The following LANCL3 variants were observed in gnomAD, a reference collection of about 807,000 sequenced individuals.
The protein encoded by LANCL3 is lanC-like protein 3.
LANCL3 carries 19 observed loss-of-function variants against 26.5 expected under a neutral mutation model. The observed-to-expected ratio is 0.72, with a 90% CI of 0.50 to 1.05. LANCL3 has a LOEUF of 1.05. Ranked by LOEUF, LANCL3 falls within the 50% of genes least tolerant of loss-of-function variation. The pLI is 0.00. For synonymous variants in LANCL3, 160 were observed against 166.6 expected (o/e 0.96, Z 0.30); for missense variants, 318 against 362.7 (o/e 0.88, Z 1.00).
intron 1 of LANCL3, among the ~76,000 whole-genome samples, chrX:37,602,729 G>A (rs1924603948): frequency 9.0e-6 from 1 of 111,151 alleles, no homozygotes. Context: ...ATCACTAGGA[G>A]GTAACTCTTC....
At chrX:37,629,700 T>TA (rs1281755490) in intron 1 of LANCL3, among the ~76,000 whole-genome samples, 2 of 111,015 alleles carry the variant, frequency 1.8e-5, no homozygotes, top group African/African-American at 3.3e-5. Flanking sequence ...ATTTATTAAA[T>TA]AGGGAATCCT....
At position 37,675,910 on chromosome X, in the gene LANCL3, C is replaced by T. The variant is rs782684125; in HGVS notation, c.*97C>T. The T allele has an allele frequency of 4.7e-6, 3 of 644,952 alleles. No homozygotes were observed. The highest frequency in any genetic ancestry group is 1.1e-4 in the Admixed American group (2 of 18,749). 53.2% of individuals were successfully genotyped at this position (644,952 alleles called of 1,213,427 possible). ...CATTCAATGGTATCGCAACCATGAGCCTTAACATTGCCATCAGAAGGAAGG... is the reference window on the plus strand; with the variant it reads ...CATTCAATGGTATCGCAACCATGAGTCTTAACATTGCCATCAGAAGGAAGG... On this transcript the variant is annotated 3_prime_UTR_variant, in exon 5 of 5. Transcript: ENST00000378619.
intron 1 of LANCL3, among the ~76,000 whole-genome samples, chrX:37,637,042 C>G (rs1925725720): frequency 9.0e-6 from 1 of 111,690 alleles, no homozygotes; most frequent in African/African-American, 3.3e-5. Context: ...GAGAAAGCAG[C>G]CTTGACCAAT....
chrX:37,656,681 A>T (rs1212099025), intron 2 of LANCL3, among the ~76,000 whole-genome samples: 1 of 112,390 alleles, frequency 8.9e-6, no homozygotes, highest in African/African-American at 3.2e-5. Context: ...CCCTTATTAC[A>T]CTGTAATTAG....
At chrX:37,604,498 G>A (rs374239344) in intron 1 of LANCL3, among the ~76,000 whole-genome samples, 175 of 112,147 alleles carry the variant, frequency 1.6e-3, no homozygotes, top group African/African-American at 5.4e-3. Context: ...TTGTTCGTAT[G>A]TCTATAGGTC....
chrX:37,578,310 G>C (rs782480306), intron 1 of LANCL3, among the ~76,000 whole-genome samples: 1 of 112,114 alleles, frequency 8.9e-6, no homozygotes, highest in African/African-American at 3.2e-5. Context: ...TTTTAACCTT[G>C]ATCATTGACA....
intron 4 of LANCL3, among the ~76,000 whole-genome samples, chrX:37,670,346 T>G (rs947015143): frequency 8.9e-6 from 1 of 111,860 alleles, no homozygotes; most frequent in Non-Finnish European, 1.9e-5. Flanking sequence ...AGTATTTTTC[T>G]TGTCAAAGTT....
At chrX:37,627,701 A>G (rs889447584) in intron 1 of LANCL3, among the ~76,000 whole-genome samples, 6 of 112,026 alleles carry the variant, frequency 5.4e-5, no homozygotes, top group Admixed American at 1.9e-4. Context: ...CTAGCACCTC[A>G]GAATCTGTCA....
At chrX:37,627,899 T>C (rs1377500396) in intron 1 of LANCL3, among the ~76,000 whole-genome samples, 2 of 111,772 alleles carry the variant, frequency 1.8e-5, no homozygotes, top group African/African-American at 6.5e-5. Context: ...CCTGACCTCT[T>C]GCACCTACCA....
chrX:37,659,359 A>G, intron 2 of LANCL3, 103 bp from the exon 3 acceptor site: 1 of 598,486 alleles, frequency 1.7e-6, no homozygotes, highest in Admixed American at 3.1e-5. Context: ...TGAGCTTTCA[A>G]GTAATATTGG....
intron 1 of LANCL3, among the ~76,000 whole-genome samples, chrX:37,632,684 A>G (rs112312510): frequency 9.1e-6 from 1 of 110,458 alleles, no homozygotes; most frequent in Non-Finnish European, 1.9e-5. Flanking sequence ...GCTTGTCTGT[A>G]AAGTATTTTA....
rs1178074935 is a variant in LANCL3, at chrX:37,614,341, T to C, written c.574-41347T>C. ...GGGGGTGGGACCTGGGTATTAGTAT[T>C]TCTGAAAAACTGTTCAAGAGATTTT... On this transcript the variant is annotated intron_variant, in intron 1 of 4. Coordinates refer to ENST00000378619, the MANE Select transcript of LANCL3 (RefSeq NM_001170331.2). 6.3e-5 allele frequency among the ~76,000 whole-genome samples: 7 copies of C among 111,525 alleles called. No homozygotes were observed. In the Admixed American group the frequency reaches 6.7e-4, roughly 11 times the overall value.
At position 37,655,666 on chromosome X, in the gene LANCL3, ACTT is replaced by A. The variant is rs782325022; in HGVS notation, c.574-19_574-17del. 6.8e-6 allele frequency: 8 copies of A among 1,175,859 alleles called. No individual in the cohort carries two copies. Among genetic ancestry groups the A allele is most frequent in the Non-Finnish European group, 9.1e-6 (8 of 879,107 alleles). On this transcript the variant is annotated intron_variant, in intron 1 of 4. Transcript: ENST00000378619. ...AAAAGGAGATCCTGCTTTGACTTCT[ACTT>A]CTGGATTTCCTTATTCAGGTGCTGA...
At chrX:37,617,113 A>G in intron 1 of LANCL3, among the ~76,000 whole-genome samples, 1 of 102,311 alleles carries the variant, frequency 9.8e-6, no homozygotes, top group East Asian at 3.5e-4. Context: ...GGAACAAGGA[A>G]AAGTGGGTGG....
chrX:37,671,005 T>C (rs1483970358), intron 4 of LANCL3, among the ~76,000 whole-genome samples: 2 of 111,701 alleles, frequency 1.8e-5, no homozygotes, highest in African/African-American at 6.5e-5. Flanking sequence ...TGGAAGCTTT[T>C]AAAACACACA....
intron 3 of LANCL3, among the ~76,000 whole-genome samples, chrX:37,662,885 T>C (rs1186258698): frequency 9.1e-6 from 1 of 109,672 alleles, no homozygotes; most frequent in Non-Finnish European, 1.9e-5. Flanking sequence ...CCAACAGGTT[T>C]ACTAAATTTT....
intron 4 of LANCL3, among the ~76,000 whole-genome samples, chrX:37,670,367 T>C (rs1042865018): frequency 8.9e-6 from 1 of 111,876 alleles, no homozygotes; most frequent in Non-Finnish European, 1.9e-5. Flanking sequence ...TTCAATCTTT[T>C]CTTTAAAATT....
At chrX:37,640,233 A>G (rs1365022868) in intron 1 of LANCL3, among the ~76,000 whole-genome samples, 1 of 111,998 alleles carries the variant, frequency 8.9e-6, no homozygotes, top group African/African-American at 3.2e-5. Flanking sequence ...GCTTTAATTG[A>G]CTCACAGTTG....
chrX:37,647,416 A>C (rs1926016914), intron 1 of LANCL3, among the ~76,000 whole-genome samples: 1 of 112,274 alleles, frequency 8.9e-6, no homozygotes, highest in Non-Finnish European at 1.9e-5. Flanking sequence ...GTCTCATTCC[A>C]GTAGCTCTAA....
Sources: allele counts gnomAD v4.1 joint callset (sites outside exome capture counted in the v4.1 genomes callset), GRCh38; gene constraint gnomAD v4.1.1; transcripts MANE v1.5; gene names NCBI Gene and HGNC (gene_info 2026-07-23, HGNC 2026-07-21).